Variants in SCEL observed in about 807,000 individuals in gnomAD.
SCEL encodes sciellin.
A neutral mutation model predicts 117.6 loss-of-function variants in SCEL; 113 were observed. The observed-to-expected ratio is 0.96, with a 90% CI of 0.83 to 1.12. The LOEUF is 1.12. Ranked by LOEUF, SCEL falls within the 50% of genes most tolerant of loss-of-function variation. The pLI is 0.00. For missense variants in SCEL, 785 were observed against 810.8 expected, an observed-to-expected ratio of 0.97 and a Z score of 0.39; for synonymous variants, 270 against 256.2, an observed-to-expected ratio of 1.05 and a Z score of -0.51.
intron 4 of SCEL, among the ~76,000 whole-genome samples, chr13:77,563,124 T>C (rs1263748254): frequency 2.0e-5 from 3 of 151,608 alleles, no homozygotes; most frequent in East Asian, 3.9e-4. Context: ...TTTTCTAAAT[T>C]CCCCCCCCAT....
chr13:77,593,588 CT>C lies in SCEL; in HGVS notation c.752+19del. 6.2e-7 allele frequency: 1 copy of C among 1,606,542 alleles called. No homozygotes were observed. Among genetic ancestry groups the C allele is most frequent in the Non-Finnish European group, 8.5e-7 (1 of 1,174,384 alleles). ...AGTGACAAAGGGTGAGATCTCAGAG[CT>C]TTTGAGCTTGGGTTTTATCTTCCCT... On this transcript the variant is annotated intron_variant, in intron 12 of 32. Coordinates refer to ENST00000349847, the MANE Select transcript of SCEL (RefSeq NM_144777.3).
At chr13:77,626,949 A>G (rs2089768417) in intron 27 of SCEL, among the ~76,000 whole-genome samples, 1 of 152,068 alleles carries the variant, frequency 6.6e-6, no homozygotes, top group African/African-American at 2.4e-5. Flanking sequence ...ACTCATGACA[A>G]AAGAAAAAAA....
At chr13:77,540,251 T>C (rs914739718) in intron 1 of SCEL, among the ~76,000 whole-genome samples, 1 of 152,256 alleles carries the variant, frequency 6.6e-6, no homozygotes, top group Non-Finnish European at 1.5e-5. Flanking sequence ...GAACTGATTA[T>C]GTACCAGGTA....
intron 15 of SCEL, 117 bp from the exon 16 acceptor site, chr13:77,601,948 T>C: frequency 1.4e-6 from 1 of 714,836 alleles, no homozygotes; most frequent in Non-Finnish European, 2.2e-6. Context: ...ACTGATTGTA[T>C]CTTATGAGAT....
chr13:77,589,105 T>G, intron 9 of SCEL, 39 bp from the exon 10 acceptor site: 4 of 1,430,638 alleles, frequency 2.8e-6, no homozygotes, highest in Non-Finnish European at 2.9e-6. Context: ...ATTTACCATG[T>G]TTCCATGGTG....
At chr13:77,639,728 A>G (rs1321588926) in intron 30 of SCEL, among the ~76,000 whole-genome samples, 2 of 152,202 alleles carry the variant, frequency 1.3e-5, no homozygotes, top group Non-Finnish European at 2.9e-5. Context: ...ATAAGTGAGT[A>G]TATAAGTGCA....
rs1244894082 is a variant in SCEL, at chr13:77,587,209, T to C, written c.546-1935T>C. ...CTTCCTCACTCTGAGTCAATGAACG[T>C]ACCCCAGCTATACTCATCTAGTTCT... On this transcript the variant is annotated intron_variant, in intron 9 of 32. Transcript: ENST00000349847. 2.0e-5 allele frequency among the ~76,000 whole-genome samples: 3 copies of C among 152,058 alleles called. 1 individual carries two copies. Among genetic ancestry groups the C allele is most frequent in the Middle Eastern group, 6.3e-3 (2 of 316 alleles).
intron 1 of SCEL, among the ~76,000 whole-genome samples, chr13:77,545,414 A>C (rs1166519927): frequency 4.6e-5 from 7 of 152,216 alleles, no homozygotes; most frequent in Non-Finnish European, 1.0e-4. Context: ...ATTTTTTTTA[A>C]TACTACCAGT....
chr13:77,617,486 G>T, intron 24 of SCEL, 113 bp from the exon 25 acceptor site: 6 of 609,870 alleles, frequency 9.8e-6, no homozygotes, highest in Non-Finnish European at 1.7e-5. Context: ...TTCATAGTTA[G>T]TCAATACTAA....
chr13:77,642,897 A>G, intron 32 of SCEL, 89 bp downstream of exon 32: 1 of 638,434 alleles, frequency 1.6e-6, no homozygotes, highest in Non-Finnish European at 2.6e-6. Context: ...AATAAAGTAA[A>G]ACATTTTACT....
At chr13:77,545,599 C>T (rs981844775) in intron 1 of SCEL, among the ~76,000 whole-genome samples, 1 of 152,106 alleles carries the variant, frequency 6.6e-6, no homozygotes, top group Non-Finnish European at 1.5e-5. Flanking sequence ...AAAATGTCTG[C>T]GGAAGTAGAG....
At chr13:77,584,352 G>A (rs999061504) in intron 9 of SCEL, among the ~76,000 whole-genome samples, 14 of 152,164 alleles carry the variant, frequency 9.2e-5, no homozygotes, top group African/African-American at 3.4e-4. Context: ...AAGCTCCTTT[G>A]AGGTAAATGG....
intron 4 of SCEL, among the ~76,000 whole-genome samples, chr13:77,560,394 T>C (rs1187812543): frequency 6.6e-6 from 1 of 152,070 alleles, no homozygotes; most frequent in Non-Finnish European, 1.5e-5. Context: ...GCAGTGATGC[T>C]CCATTGTACT....
chr13:77,630,706 ATTT>A (rs2089983110), intron 28 of SCEL, among the ~76,000 whole-genome samples: 1 of 152,178 alleles, frequency 6.6e-6, no homozygotes, highest in Admixed American at 6.5e-5. Flanking sequence ...TGTAGGGAAC[ATTT>A]TCTCAAGTGT....
chr13:77,585,819 A>G (rs754558844), intron 9 of SCEL, among the ~76,000 whole-genome samples: 1 of 152,046 alleles, frequency 6.6e-6, no homozygotes, highest in Non-Finnish European at 1.5e-5. Flanking sequence ...TGTCATTGCC[A>G]AAATCCTCCA....
At chr13:77,594,602 T>C (rs2087112873) in intron 12 of SCEL, among the ~76,000 whole-genome samples, 1 of 152,234 alleles carries the variant, frequency 6.6e-6, no homozygotes, top group Admixed American at 6.5e-5. Context: ...TACTCAGTTT[T>C]GTTTCCTGTT....
intron 9 of SCEL, among the ~76,000 whole-genome samples, chr13:77,588,497 G>C (rs975841676): frequency 3.9e-5 from 6 of 152,244 alleles, no homozygotes; most frequent in Admixed American, 2.6e-4. Context: ...TTAGTAAGGT[G>C]CTGACTCCAT....
At position 77,567,593 on chromosome 13, in the gene SCEL, G is replaced by T. The variant is rs562781820; in HGVS notation, c.291-87G>T. On this transcript the variant is annotated intron_variant, in intron 5 of 32. Coordinates refer to ENST00000349847, the MANE Select transcript of SCEL (RefSeq NM_144777.3). ...CTCTTTACTAGAGAAAGGCTATGTT[G>T]TTAAGCTATTCTAGCATGAAAATGG... is the stretch of plus-strand genomic sequence containing the variant. The T allele has an allele frequency of 6.6e-5, 59 of 896,186 alleles. No individual in the cohort carries two copies. The South Asian group carries it at 8.8e-4, about 13-fold the overall frequency. 55.5% of individuals were successfully genotyped at this position (896,186 alleles called of 1,614,324 possible). A position where few individuals can be genotyped will look rare whatever the true frequency, so the allele number is the denominator to read the frequency against.
intron 15 of SCEL, among the ~76,000 whole-genome samples, chr13:77,600,842 G>A (rs1388203432): frequency 2.0e-5 from 3 of 152,148 alleles, no homozygotes; most frequent in African/African-American, 7.2e-5. Context: ...TTTCTAACAT[G>A]AGAATTATTT....
Sources: gnomAD v4.1 joint callset for allele counts (sites outside exome capture counted in the v4.1 genomes callset) on GRCh38, gnomAD v4.1.1 for gene constraint, MANE v1.5 for transcripts, NCBI Gene and HGNC (gene_info 2026-07-23, HGNC 2026-07-21) for gene names.